The following ADGRB3 variants were observed in gnomAD, a reference collection of about 807,000 sequenced individuals.
ADGRB3 encodes adhesion G protein-coupled receptor B3.
Under a neutral mutation model 193.4 loss-of-function variants are expected in ADGRB3, and 37 were observed. The observed-to-expected ratio is 0.19, with a 90% CI of 0.15 to 0.25. The LOEUF (loss-of-function observed/expected upper bound fraction) is 0.25. ADGRB3 is among the 10% of genes least tolerant of loss of function. The pLI, the probability that ADGRB3 is intolerant of heterozygous loss-of-function variation, is 1.00. For missense variants in ADGRB3, 1,637 were observed against 1,852.9 expected (o/e 0.88, Z 2.14); for synonymous variants, 690 against 644.2 (o/e 1.07, Z -1.08).
chr6:69,355,672 A>C, intron 27 of ADGRB3, 149 bp from the exon 28 acceptor site: 1 of 657,562 alleles, frequency 1.5e-6, no homozygotes. Context: ...AAAACAATCT[A>C]ATTATACATA....
At chr6:68,837,938 G>A (rs1037597111) in intron 3 of ADGRB3, among the ~76,000 whole-genome samples, 1 of 152,156 alleles carries the variant, frequency 6.6e-6, no homozygotes, top group Non-Finnish European at 1.5e-5. Flanking sequence ...GCCCATCAAA[G>A]TTAACTTCCA....
chr6:69,174,132 C>T (rs1419905627), intron 17 of ADGRB3, among the ~76,000 whole-genome samples: 2 of 151,984 alleles, frequency 1.3e-5, no homozygotes, highest in African/African-American at 4.8e-5. Context: ...TTCAGAGGTA[C>T]TTGTTCAGGC....
intron 3 of ADGRB3, among the ~76,000 whole-genome samples, chr6:68,694,718 T>G (rs910821878): frequency 1.3e-5 from 2 of 151,942 alleles, no homozygotes; most frequent in African/African-American, 2.4e-5. Flanking sequence ...AGGAAATGAG[T>G]ATTTTGAACT....
chr6:69,076,992 C>T (rs773488502), intron 17 of ADGRB3, among the ~76,000 whole-genome samples: 1 of 151,884 alleles, frequency 6.6e-6, no homozygotes, highest in South Asian at 2.1e-4. Context: ...AAGATTGAAA[C>T]CTCGGACAAT....
chr6:69,261,806 A>G (rs1264713272), intron 20 of ADGRB3, among the ~76,000 whole-genome samples: 1 of 152,078 alleles, frequency 6.6e-6, no homozygotes, highest in African/African-American at 2.4e-5. Context: ...TTTATGGTAG[A>G]TACCGAAATA....
chr6:68,887,975 T>A (rs9342737), intron 3 of ADGRB3, among the ~76,000 whole-genome samples: 1 of 152,300 alleles, frequency 6.6e-6, no homozygotes, highest in East Asian at 1.9e-4. Context: ...ACCCTTCTCA[T>A]ATTGGTGCTC....
At chr6:69,270,691 A>G (rs1331073672) in intron 20 of ADGRB3, among the ~76,000 whole-genome samples, 1 of 152,160 alleles carries the variant, frequency 6.6e-6, no homozygotes, top group Non-Finnish European at 1.5e-5. Flanking sequence ...TTAAGCCATA[A>G]TCATATAACA....
chr6:68,764,669 A>G (rs192440579), intron 3 of ADGRB3, among the ~76,000 whole-genome samples: 1 of 152,186 alleles, frequency 6.6e-6, no homozygotes, highest in African/African-American at 2.4e-5. Context: ...GCCTTTTAAA[A>G]TTGTCCTTTA....
chr6:68,978,955 G>A (rs544646650), intron 10 of ADGRB3, among the ~76,000 whole-genome samples: 1 of 151,034 alleles, frequency 6.6e-6, no homozygotes, highest in Non-Finnish European at 1.5e-5. Context: ...TAAATATATA[G>A]CAATCACCTA....
intron 3 of ADGRB3, among the ~76,000 whole-genome samples, chr6:68,927,625 G>A (rs891161814): frequency 2.6e-5 from 4 of 151,958 alleles, no homozygotes; most frequent in South Asian, 2.1e-4. Flanking sequence ...AACATGGGAC[G>A]TAAACTTTGG....
At chr6:68,932,073 G>A (rs1466859633) in intron 4 of ADGRB3, among the ~76,000 whole-genome samples, 3 of 152,122 alleles carry the variant, frequency 2.0e-5, no homozygotes, top group African/African-American at 7.2e-5. Context: ...CTCAACCACT[G>A]AGCAGAGATT....
chr6:69,058,269 T>C (rs1411765251), intron 15 of ADGRB3, among the ~76,000 whole-genome samples: 1 of 151,966 alleles, frequency 6.6e-6, no homozygotes, highest in Non-Finnish European at 1.5e-5. Context: ...TTTACTTCAG[T>C]GCCATCAGTT....
intron 11 of ADGRB3, among the ~76,000 whole-genome samples, chr6:69,003,269 T>C (rs193285378): frequency 1.3e-5 from 2 of 152,198 alleles, no homozygotes; most frequent in Admixed American, 1.3e-4. Flanking sequence ...GTATCTCTCC[T>C]GCCAAGAAAG....
chr6:68,796,985 A>G (rs1326570395), intron 3 of ADGRB3, among the ~76,000 whole-genome samples: 1 of 152,144 alleles, frequency 6.6e-6, no homozygotes, highest in East Asian at 1.9e-4. Context: ...TTGTTTTCCT[A>G]ATTTCCTAAG....
At chr6:68,965,058 C>T (rs192496574) in intron 8 of ADGRB3, among the ~76,000 whole-genome samples, 1 of 152,212 alleles carries the variant, frequency 6.6e-6, no homozygotes, top group Admixed American at 6.5e-5. Flanking sequence ...ATGAGAATAA[C>T]AATTCTGTTC....
At position 69,303,799 on chromosome 6, in the gene ADGRB3, A is replaced by C. The variant is rs552505136; in HGVS notation, c.2815-21073A>C. Among the ~76,000 whole-genome samples, 62 of 152,132 alleles carry C rather than the reference A, an allele frequency of 4.1e-4. 1 individual carries two copies. Among genetic ancestry groups the C allele is most frequent in the African/African-American group, 1.4e-3 (60 of 41,552 alleles). On this transcript the variant is annotated intron_variant, in intron 20 of 31. Coordinates refer to ENST00000370598, the MANE Select transcript of ADGRB3 (RefSeq NM_001704.3). ...TGTTTTCAGTGGAATGTCTGGGGAA[A>C]GTGACTTTTATTTCTTAAGAGTTAG...
intron 3 of ADGRB3, among the ~76,000 whole-genome samples, chr6:68,871,661 A>G (rs1043100583): frequency 2.6e-5 from 4 of 152,126 alleles, no homozygotes; most frequent in Non-Finnish European, 5.9e-5. Flanking sequence ...TTTCTCTAAA[A>G]ACATTCTTCC....
chr6:68,734,952 G>A (rs1562009927), intron 3 of ADGRB3, among the ~76,000 whole-genome samples: 1 of 151,858 alleles, frequency 6.6e-6, no homozygotes, highest in Non-Finnish European at 1.5e-5. Context: ...AAGGAATAAA[G>A]TGAAGTGATA....
At chr6:68,959,861 A>G (rs959699319) in intron 8 of ADGRB3, among the ~76,000 whole-genome samples, 11 of 152,174 alleles carry the variant, frequency 7.2e-5, no homozygotes, top group African/African-American at 2.7e-4. Context: ...CTCACCAGAT[A>G]ATGGTTTCAT....
Sources: gnomAD v4.1 joint callset for allele counts (sites outside exome capture counted in the v4.1 genomes callset) on GRCh38, gnomAD v4.1.1 for gene constraint, MANE v1.5 for transcripts, NCBI Gene and HGNC (gene_info 2026-07-23, HGNC 2026-07-21) for gene names.